HS3ST5: variants seen among roughly 807,000 people sequenced by gnomAD.
HS3ST5 encodes heparan sulfate-glucosamine 3-sulfotransferase 5.
In HS3ST5, 10 loss-of-function variants were observed where a neutral mutation model predicts 25.4. The ratio of observed to expected loss-of-function variants is 0.39; its 90% confidence interval spans 0.24 to 0.67. The LOEUF (loss-of-function observed/expected upper bound fraction) is 0.67, where lower values mean the gene tolerates loss of function less well. Among genes scored for constraint, HS3ST5 ranks in the 30% least tolerant of loss-of-function variants. The pLI is 0.44. For synonymous variants in HS3ST5, 170 were observed against 162.4 expected, an observed-to-expected ratio of 1.05 and a Z score of -0.36; for missense variants, 324 against 420.7, an observed-to-expected ratio of 0.77 and a Z score of 2.01.
At chr6:114,115,538 G>C (rs1776480740) in intron 3 of HS3ST5, among the ~76,000 whole-genome samples, 1 of 151,596 alleles carries the variant, frequency 6.6e-6, no homozygotes, top group African/African-American at 2.4e-5. Flanking sequence ...AAGAAGCATA[G>C]ATGCCAGATT....
At chr6:114,275,653 C>T (rs1191915425) in intron 1 of HS3ST5, among the ~76,000 whole-genome samples, 1 of 152,020 alleles carries the variant, frequency 6.6e-6, no homozygotes, top group Non-Finnish European at 1.5e-5. Context: ...TCTGCAGCAA[C>T]TCTTCAACTC....
At chr6:114,256,444 A>T (rs1408627776) in intron 1 of HS3ST5, among the ~76,000 whole-genome samples, 36 of 152,098 alleles carry the variant, frequency 2.4e-4, no homozygotes, top group Admixed American at 2.4e-3. Context: ...CCAGCACCCA[A>T]GTCACTTCTT....
chr6:114,273,869 CTGT>C (rs1414986890), intron 1 of HS3ST5, among the ~76,000 whole-genome samples: 1 of 151,896 alleles, frequency 6.6e-6, no homozygotes, highest in Admixed American at 6.6e-5. Flanking sequence ...GTCCTCACAG[CTGT>C]TTAGAAAAGT....
chr6:114,310,200 T>G (rs954910335), intron 1 of HS3ST5, among the ~76,000 whole-genome samples: 2 of 152,224 alleles, frequency 1.3e-5, no homozygotes, highest in African/African-American at 4.8e-5. Flanking sequence ...TCAAATGTTA[T>G]AGTCCCGAGT....
At chr6:114,321,966 T>C (rs1775987711) in intron 1 of HS3ST5, among the ~76,000 whole-genome samples, 1 of 152,210 alleles carries the variant, frequency 6.6e-6, no homozygotes, top group Non-Finnish European at 1.5e-5. Context: ...CCACTTATTT[T>C]CTTACAATCA....
intron 2 of HS3ST5, among the ~76,000 whole-genome samples, chr6:114,201,827 AG>A (rs1359331312): frequency 6.6e-6 from 1 of 152,176 alleles, no homozygotes; most frequent in Non-Finnish European, 1.5e-5. Flanking sequence ...ATCAGGCAGA[AG>A]GGGAAGCAAA....
intron 1 of HS3ST5, among the ~76,000 whole-genome samples, chr6:114,278,075 T>A (rs1773940862): frequency 6.6e-6 from 1 of 151,954 alleles, no homozygotes; most frequent in Non-Finnish European, 1.5e-5. Context: ...GATTAAACAC[T>A]GCCACTCATG....
intron 3 of HS3ST5, among the ~76,000 whole-genome samples, chr6:114,157,659 A>T (rs1439372183): frequency 6.6e-6 from 1 of 152,228 alleles, no homozygotes; most frequent in East Asian, 1.9e-4. Flanking sequence ...ATGTATACAT[A>T]TATCAAAATA....
intron 1 of HS3ST5, among the ~76,000 whole-genome samples, chr6:114,284,966 GC>G (rs964101006): frequency 4.6e-5 from 7 of 151,942 alleles, no homozygotes; most frequent in Admixed American, 4.6e-4. Context: ...TATCTAAGGG[GC>G]TAGGATATTC....
chr6:114,055,968 A>G lies in HS3ST5; in HGVS notation c.*1289T>C, dbSNP rs1772753898. On this transcript the variant is annotated 3_prime_UTR_variant, in exon 5 of 5. Transcript: ENST00000312719. The stretch of plus-strand genomic sequence containing the variant: ...TATGTTAGTAATGGCAACACTAGGC[A>G]GCTGAATCCTTTCAGAGCAAATTGA... 1 of 152,256 alleles carries G rather than the reference A, an allele frequency of 6.6e-6. No homozygotes were observed. The highest frequency in any genetic ancestry group is 6.5e-5 in the Admixed American group (1 of 15,290). 9.4% of individuals were successfully genotyped at this position (152,256 alleles called of 1,614,324 possible). A position where few individuals can be genotyped will look rare whatever the true frequency, so the allele number is the denominator to read the frequency against.
At chr6:114,200,901 G>T (rs924838890) in intron 2 of HS3ST5, among the ~76,000 whole-genome samples, 1 of 152,172 alleles carries the variant, frequency 6.6e-6, no homozygotes, top group African/African-American at 2.4e-5. Flanking sequence ...TCTCAAGGAT[G>T]CTCCATAACC....
intron 3 of HS3ST5, among the ~76,000 whole-genome samples, chr6:114,080,716 T>C (rs563213174): frequency 8.5e-5 from 13 of 152,278 alleles, no homozygotes; most frequent in African/African-American, 2.9e-4. Flanking sequence ...CACTTATAAG[T>C]GGGAGCTAAA....
intron 3 of HS3ST5, among the ~76,000 whole-genome samples, chr6:114,065,782 C>T (rs1434655766): frequency 6.6e-6 from 1 of 152,126 alleles, no homozygotes; most frequent in Non-Finnish European, 1.5e-5. Flanking sequence ...ATGTTCTTGC[C>T]CCATGGCCTT....
chr6:114,269,722 A>G (rs141792435), intron 1 of HS3ST5, among the ~76,000 whole-genome samples: 1 of 152,230 alleles, frequency 6.6e-6, no homozygotes, highest in Non-Finnish European at 1.5e-5. Context: ...TGCCCATACA[A>G]TTTCTGGTTA....
At chr6:114,130,008 A>T (rs1417530858) in intron 3 of HS3ST5, among the ~76,000 whole-genome samples, 1 of 152,228 alleles carries the variant, frequency 6.6e-6, no homozygotes, top group Non-Finnish European at 1.5e-5. Flanking sequence ...TCTAGGTAAG[A>T]AAATTGAGGC....
At chr6:114,182,622 G>A (rs952887477) in intron 2 of HS3ST5, among the ~76,000 whole-genome samples, 1 of 152,084 alleles carries the variant, frequency 6.6e-6, no homozygotes, top group African/African-American at 2.4e-5. Flanking sequence ...AGAATCAGTG[G>A]AATTAGTCTC....
chr6:114,063,215 G>A (rs1021170202), intron 3 of HS3ST5, among the ~76,000 whole-genome samples: 2 of 152,100 alleles, frequency 1.3e-5, no homozygotes, highest in African/African-American at 4.8e-5. Flanking sequence ...CAAAGAATAT[G>A]GATAGAATGA....
At chr6:114,237,329 C>CT (rs35288943) in intron 1 of HS3ST5, among the ~76,000 whole-genome samples, 35,056 of 145,156 alleles carry the variant, frequency 0.24, 3,999 homozygotes, top group Middle Eastern at 0.31. Flanking sequence ...GATACGAGTA[C>CT]TTTTTTTTTT....
intron 3 of HS3ST5, among the ~76,000 whole-genome samples, chr6:114,097,261 A>G (rs1213097815): frequency 6.6e-6 from 1 of 151,958 alleles, no homozygotes; most frequent in Non-Finnish European, 1.5e-5. Flanking sequence ...GTAAATACTA[A>G]TATATTACCA....
Sources: gnomAD v4.1 joint callset for allele counts (sites outside exome capture counted in the v4.1 genomes callset) on GRCh38, gnomAD v4.1.1 for gene constraint, MANE v1.5 for transcripts, NCBI Gene and HGNC (gene_info 2026-07-23, HGNC 2026-07-21) for gene names.